The following SLC14A2 variants were observed in gnomAD, a reference collection of about 807,000 sequenced individuals.
The protein encoded by SLC14A2 is solute carrier family 14 member 2.
SLC14A2 carries 91 observed loss-of-function variants against 104.6 expected under a neutral mutation model. That is an observed-to-expected ratio of 0.87 (90% CI 0.73 to 1.04). The LOEUF is 1.04. Ranked by LOEUF, SLC14A2 falls within the 50% of genes least tolerant of loss-of-function variation. The pLI, the probability that SLC14A2 is intolerant of heterozygous loss-of-function variation, is 0.00. For synonymous variants in SLC14A2, 476 were observed against 466.4 expected (o/e 1.02, Z -0.27); for missense variants, 1,189 against 1,156.0 (o/e 1.03, Z -0.41).
intron 11 of SLC14A2, among the ~76,000 whole-genome samples, chr18:45,665,000 C>A (rs920478469): frequency 6.6e-6 from 1 of 152,124 alleles, no homozygotes; most frequent in Non-Finnish European, 1.5e-5. Context: ...ACAGAAACAG[C>A]GGGTCAGTGG....
chr18:45,466,531 G>A (rs2087146098), intron 1 of SLC14A2, among the ~76,000 whole-genome samples: 1 of 148,550 alleles, frequency 6.7e-6, no homozygotes, highest in Admixed American at 6.8e-5. Flanking sequence ...TTCAAAATGT[G>A]GGATTGTGAA....
intron 2 of SLC14A2, among the ~76,000 whole-genome samples, chr18:45,553,975 C>G (rs1459271071): frequency 6.6e-6 from 1 of 152,138 alleles, no homozygotes; most frequent in Non-Finnish European, 1.5e-5. Flanking sequence ...CAAGATCATT[C>G]CAAATGAACT....
At chr18:45,173,899 C>A in the SLC14A2 span, among the ~76,000 whole-genome samples, 6 of 152,056 alleles carry the variant, frequency 3.9e-5, no homozygotes, top group South Asian at 2.1e-4. Flanking sequence ...AGTAGTGCAA[C>A]CTGTCTCAGG....
the SLC14A2 span, among the ~76,000 whole-genome samples, chr18:45,190,184 C>T: frequency 2.0e-5 from 3 of 152,168 alleles, no homozygotes; most frequent in Non-Finnish European, 2.9e-5. Context: ...CGTTTGTTGA[C>T]CTTTCTTCTT....
chr18:45,534,148 C>A (rs1568263908), intron 2 of SLC14A2, among the ~76,000 whole-genome samples: 1 of 152,032 alleles, frequency 6.6e-6, no homozygotes, highest in South Asian at 2.1e-4. Context: ...AGCAAAGCTG[C>A]AATTTTGGAC....
At chr18:45,380,314 G>A (rs575446590) in intron 1 of SLC14A2, among the ~76,000 whole-genome samples, 3 of 152,244 alleles carry the variant, frequency 2.0e-5, no homozygotes, top group Admixed American at 6.5e-5. Flanking sequence ...ATCTGTAGTC[G>A]ACCCAGGTGG....
intron 1 of SLC14A2, among the ~76,000 whole-genome samples, chr18:45,441,113 C>T (rs1359658084): frequency 6.6e-6 from 1 of 152,212 alleles, no homozygotes; most frequent in Non-Finnish European, 1.5e-5. Context: ...CTCGGACAGC[C>T]ATGCCCTCTC....
At chr18:45,446,498 C>A (rs1177433119) in intron 1 of SLC14A2, among the ~76,000 whole-genome samples, 1 of 152,192 alleles carries the variant, frequency 6.6e-6, no homozygotes, top group Non-Finnish European at 1.5e-5. Context: ...CTTAGACTTC[C>A]AGCCACCAGA....
intron 2 of SLC14A2, among the ~76,000 whole-genome samples, chr18:45,563,344 T>C (rs548366770): frequency 6.6e-6 from 1 of 152,348 alleles, no homozygotes; most frequent in South Asian, 2.1e-4. Context: ...GGGGGGAACA[T>C]AAGGGCAGAC....
intron 2 of SLC14A2, among the ~76,000 whole-genome samples, chr18:45,558,439 A>G (rs1247123252): frequency 1.3e-5 from 2 of 152,214 alleles, no homozygotes; most frequent in African/African-American, 2.4e-5. Flanking sequence ...GAGGAATGGC[A>G]CTGGTAAGGA....
intron 1 of SLC14A2, among the ~76,000 whole-genome samples, chr18:45,328,540 G>T (rs929040389): frequency 6.6e-6 from 1 of 152,184 alleles, no homozygotes; most frequent in African/African-American, 2.4e-5. Context: ...TCCCTCAGGG[G>T]CTGCGTCAAC....
intron 5 of SLC14A2, among the ~76,000 whole-genome samples, chr18:45,633,714 C>G (rs565766704): frequency 6.6e-6 from 1 of 152,198 alleles, no homozygotes; most frequent in Non-Finnish European, 1.5e-5. Flanking sequence ...CTTTTAACAT[C>G]TCTAAGAAGT....
intron 1 of SLC14A2, among the ~76,000 whole-genome samples, chr18:45,218,098 T>C (rs1286760625): frequency 6.6e-6 from 1 of 152,202 alleles, no homozygotes; most frequent in East Asian, 1.9e-4. Flanking sequence ...TTCACATTGT[T>C]GTACAGCCAT....
chr18:45,338,586 G>C (rs936632076), intron 1 of SLC14A2, among the ~76,000 whole-genome samples: 1 of 138,468 alleles, frequency 7.2e-6, no homozygotes, highest in South Asian at 2.4e-4. Context: ...CCTCTCTAAA[G>C]TGTATAAAAA....
At chr18:45,334,342 G>A (rs2085317707) in intron 1 of SLC14A2, among the ~76,000 whole-genome samples, 1 of 152,158 alleles carries the variant, frequency 6.6e-6, no homozygotes, top group Non-Finnish European at 1.5e-5. Context: ...AAGCACTGGA[G>A]ACATTGGGGA....
At chr18:45,276,134 CAG>C (rs917305142) in intron 1 of SLC14A2, among the ~76,000 whole-genome samples, 6 of 152,304 alleles carry the variant, frequency 3.9e-5, no homozygotes, top group Non-Finnish European at 8.8e-5. Context: ...GTGTGTGAGG[CAG>C]AGAGTATAGG....
intron 2 of SLC14A2, among the ~76,000 whole-genome samples, chr18:45,501,388 T>G (rs950333390): frequency 6.6e-6 from 1 of 152,244 alleles, no homozygotes; most frequent in Non-Finnish European, 1.5e-5. Flanking sequence ...TTACCAGCTT[T>G]GTGGACTGAG....
intron 1 of SLC14A2, among the ~76,000 whole-genome samples, chr18:45,437,906 C>T (rs1013709060): frequency 1.3e-5 from 2 of 152,150 alleles, no homozygotes; most frequent in Non-Finnish European, 2.9e-5. Flanking sequence ...TTAATGTATG[C>T]GATACCCTGC....
chr18:45,467,692 A>G (rs2087169412), intron 1 of SLC14A2, among the ~76,000 whole-genome samples: 1 of 152,202 alleles, frequency 6.6e-6, no homozygotes, highest in Non-Finnish European at 1.5e-5. Context: ...CAGTTATGCT[A>G]AAGGGTGACT....
Sources: allele counts gnomAD v4.1 joint callset (sites outside exome capture counted in the v4.1 genomes callset), GRCh38; gene constraint gnomAD v4.1.1; transcripts MANE v1.5; gene names NCBI Gene and HGNC (gene_info 2026-07-23, HGNC 2026-07-21).